NEGR1: variants seen among roughly 807,000 people sequenced by gnomAD.
NEGR1 encodes the protein neuronal growth regulator 1, also known as IgLON family member 4.
NEGR1 carries 10 observed loss-of-function variants against 40.9 expected under a neutral mutation model. The ratio of observed to expected loss-of-function variants is 0.24; its 90% CI spans 0.15 to 0.42. The LOEUF is 0.42. Among genes scored for constraint, NEGR1 ranks in the 10% least tolerant of loss-of-function variants. The pLI is 1.00. For missense variants in NEGR1, 352 were observed against 438.9 expected (o/e 0.80, Z 1.77); for synonymous variants, 185 against 166.8 (o/e 1.11, Z -0.84).
intron 1 of NEGR1, among the ~76,000 whole-genome samples, chr1:72,163,435 G>A (rs1651660672): frequency 6.6e-6 from 1 of 151,970 alleles, no homozygotes; most frequent in Admixed American, 6.6e-5. Flanking sequence ...TGCGCTACAT[G>A]ATAAACACAA....
At chr1:72,061,834 T>C (rs1294834200) in intron 1 of NEGR1, among the ~76,000 whole-genome samples, 3 of 151,822 alleles carry the variant, frequency 2.0e-5, no homozygotes, top group African/African-American at 7.2e-5. Flanking sequence ...AGTCACTCCA[T>C]TATGCCACTG....
intron 1 of NEGR1, among the ~76,000 whole-genome samples, chr1:72,213,126 TTACTC>T (rs1014388455): frequency 4.6e-5 from 7 of 151,984 alleles, no homozygotes; most frequent in African/African-American, 1.4e-4. Flanking sequence ...ATCTTTCAGA[TTACTC>T]TGCTGAAGAA....
intron 1 of NEGR1, among the ~76,000 whole-genome samples, chr1:72,120,211 T>C (rs1305684272): frequency 2.6e-5 from 4 of 152,022 alleles, no homozygotes; most frequent in East Asian, 1.9e-4. Flanking sequence ...GTAAAAAGCA[T>C]ATTAGATAAA....
At chr1:71,970,208 G>T (rs1646243843) in intron 1 of NEGR1, among the ~76,000 whole-genome samples, 1 of 152,108 alleles carries the variant, frequency 6.6e-6, no homozygotes, top group African/African-American at 2.4e-5. Context: ...AAGCTTGGAG[G>T]CCAGGATGGT....
In NEGR1 at chr1:71,708,792, C is replaced by T. The variant is rs535682012; in HGVS notation, c.536-10653G>A. Among the ~76,000 whole-genome samples the T allele has an allele frequency of 5.9e-5, 9 of 152,272 alleles. No homozygotes were observed. The South Asian group carries it at 8.3e-4, about 14-fold the overall frequency. On this transcript the variant is annotated intron_variant, in intron 3 of 6. Transcript: ENST00000357731. ...CATGTGTTGTTCCCCACTATGCATC[C>T]ATGTGTTCTCACAATTCAGCTCCCA...
intron 1 of NEGR1, among the ~76,000 whole-genome samples, chr1:72,046,125 C>T (rs1305315326): frequency 1.3e-5 from 2 of 151,664 alleles, no homozygotes; most frequent in Non-Finnish European, 2.9e-5. Context: ...TAAAACAAGT[C>T]ATTCAACCTC....
At chr1:72,147,373 A>G (rs1383733721) in intron 1 of NEGR1, among the ~76,000 whole-genome samples, 2 of 152,092 alleles carry the variant, frequency 1.3e-5, no homozygotes, top group Non-Finnish European at 1.5e-5. Flanking sequence ...TGATAAACCC[A>G]TCAGATTTCG....
intron 3 of NEGR1, among the ~76,000 whole-genome samples, chr1:71,714,426 C>G (rs986794566): frequency 1.3e-5 from 2 of 152,130 alleles, no homozygotes; most frequent in Non-Finnish European, 2.9e-5. Context: ...CAACAGTCTG[C>G]AAAAGTCTTA....
intron 1 of NEGR1, among the ~76,000 whole-genome samples, chr1:72,013,396 G>C (rs1646677345): frequency 6.6e-6 from 1 of 152,128 alleles, no homozygotes; most frequent in Admixed American, 6.6e-5. Flanking sequence ...TGCTCTGGGA[G>C]AGACCAAGGG....
intron 1 of NEGR1, among the ~76,000 whole-genome samples, chr1:71,980,894 T>C (rs1013839487): frequency 2.0e-5 from 3 of 152,152 alleles, no homozygotes; most frequent in Non-Finnish European, 2.9e-5. Flanking sequence ...TCCTTCTTTA[T>C]TTGGCTTCCT....
At chr1:72,117,935 ACACTGCAGCTACTCACTCT>A (rs753413781) in intron 1 of NEGR1, among the ~76,000 whole-genome samples, 1 of 151,782 alleles carries the variant, frequency 6.6e-6, no homozygotes, top group Non-Finnish European at 1.5e-5. Flanking sequence ...GACTATCTAA[ACACTGCAGCTACTCACTCT>A]AGAAAGTCAT....
At chr1:71,687,547 C>T (rs1402134213) in intron 4 of NEGR1, among the ~76,000 whole-genome samples, 1 of 152,182 alleles carries the variant, frequency 6.6e-6, no homozygotes, top group African/African-American at 2.4e-5. Context: ...AGTATGTGAA[C>T]AAACCTATTC....
At chr1:71,576,834 G>T (rs1189220629) in intron 6 of NEGR1, among the ~76,000 whole-genome samples, 1 of 152,156 alleles carries the variant, frequency 6.6e-6, no homozygotes, top group Non-Finnish European at 1.5e-5. Context: ...ACAGTCTGAA[G>T]TATAGATTTG....
At chr1:72,013,391 T>G (rs1164939876) in intron 1 of NEGR1, among the ~76,000 whole-genome samples, 3 of 152,112 alleles carry the variant, frequency 2.0e-5, no homozygotes, top group Admixed American at 2.0e-4. Context: ...TCCAGTGCTC[T>G]GGGAGAGACC....
intron 1 of NEGR1, among the ~76,000 whole-genome samples, chr1:72,066,344 A>T (rs546308389): frequency 2.2e-4 from 34 of 152,264 alleles, no homozygotes; most frequent in African/African-American, 7.9e-4. Flanking sequence ...TTCTGAGAAC[A>T]TCATAATTGT....
intron 1 of NEGR1, among the ~76,000 whole-genome samples, chr1:72,022,064 G>A (rs986862888): frequency 2.2e-4 from 34 of 151,948 alleles, no homozygotes; most frequent in African/African-American, 7.2e-4. Context: ...GAACCCGGGA[G>A]GCGGAGCTTG....
At chr1:71,960,443 T>G (rs982190476) in intron 1 of NEGR1, among the ~76,000 whole-genome samples, 7 of 152,204 alleles carry the variant, frequency 4.6e-5, no homozygotes, top group Non-Finnish European at 7.4e-5. Flanking sequence ...GAAGGTTTAT[T>G]GCCACACATA....
chr1:72,258,018 T>C (rs1226629018), intron 1 of NEGR1, among the ~76,000 whole-genome samples: 4 of 152,144 alleles, frequency 2.6e-5, no homozygotes, highest in East Asian at 3.9e-4. Flanking sequence ...AATAGATCTA[T>C]TGCCAAAAGG....
chr1:71,749,296 A>G (rs1020671331), intron 3 of NEGR1, among the ~76,000 whole-genome samples: 2 of 152,202 alleles, frequency 1.3e-5, no homozygotes, highest in African/African-American at 4.8e-5. Flanking sequence ...ATCTCCATGT[A>G]AAAATACTCA....
Sources: gnomAD v4.1 joint callset for allele counts (sites outside exome capture counted in the v4.1 genomes callset) on GRCh38, gnomAD v4.1.1 for gene constraint, MANE v1.5 for transcripts, NCBI Gene and HGNC (gene_info 2026-07-23, HGNC 2026-07-21) for gene names.